UNC13B: variants seen among roughly 807,000 people sequenced by gnomAD.
The protein encoded by UNC13B is unc-13 homolog B.
UNC13B carries 144 observed loss-of-function variants against 211.0 expected under a neutral mutation model. The ratio of observed to expected loss-of-function variants is 0.68; its 90% confidence interval spans 0.60 to 0.78. The LOEUF (loss-of-function observed/expected upper bound fraction) is 0.78. Ranked by LOEUF, UNC13B falls within the 30% of genes least tolerant of loss-of-function variation. The probability of loss-of-function intolerance (pLI) is 0.00; values close to 1 mark genes in which losing one functional copy is unlikely to be tolerated. For missense variants in UNC13B, 1,777 were observed against 2,002.0 expected, an observed-to-expected ratio of 0.89 and a Z score of 2.14; for synonymous variants, 709 against 725.8, an observed-to-expected ratio of 0.98 and a Z score of 0.37.
At chr9:35,385,660 C>T (rs1315499493) in intron 22 of UNC13B, 64 bp from the exon 23 acceptor site, 4 of 1,520,412 alleles carry the variant, frequency 2.6e-6, no homozygotes, top group African/African-American at 1.4e-5. Context: ...GATATCATCA[C>T]TTTTGGCAGG....
intron 1 of UNC13B, among the ~76,000 whole-genome samples, chr9:35,186,467 C>T (rs184394628): frequency 1.3e-3 from 204 of 152,236 alleles, no homozygotes; most frequent in Middle Eastern, 3.4e-3. Context: ...GTGTTGTCTG[C>T]GGTAAATACC....
chr9:35,263,342 TAA>T (rs11305136), intron 7 of UNC13B, among the ~76,000 whole-genome samples: 122 of 146,942 alleles, frequency 8.3e-4, no homozygotes, highest in Non-Finnish European at 7.4e-4. Context: ...TGGAACTTGG[TAA>T]AAAAAAAAAA....
intron 7 of UNC13B, among the ~76,000 whole-genome samples, chr9:35,275,119 G>A (rs1179607888): frequency 6.6e-6 from 1 of 152,094 alleles, no homozygotes; most frequent in Non-Finnish European, 1.5e-5. Context: ...GTGAAGAGCA[G>A]CTCAGAGTCT....
At position 35,310,787 on chromosome 9, in the gene UNC13B, C is replaced by T. The variant is rs982674489; in HGVS notation, c.9323+6C>T. Reference sequence around the variant, plus strand: ...TTCCTAGGTCCCCAGGAGAGGTAGGCAACAGCTGCCTTGAGGAGCTCACAT... The same window carrying T: ...TTCCTAGGTCCCCAGGAGAGGTAGGTAACAGCTGCCTTGAGGAGCTCACAT... On this transcript the variant is annotated splice_donor_region_variant and intron_variant, in intron 10 of 39. Transcript: ENST00000635942. 1 of 1,611,270 alleles carries T rather than the reference C, an allele frequency of 6.2e-7. No individual in the cohort carries two copies. The highest frequency in any genetic ancestry group is 1.3e-5 in the African/African-American group (1 of 74,748).
chr9:35,250,646 A>G (rs1053224274), intron 6 of UNC13B, among the ~76,000 whole-genome samples: 2 of 152,258 alleles, frequency 1.3e-5, no homozygotes, highest in Middle Eastern at 3.4e-3. Context: ...TGTTGTGTGG[A>G]CATATGTTTT....
At chr9:35,353,520 C>T (rs1832848240) in intron 11 of UNC13B, 8 of 1,231,940 alleles carry the variant, frequency 6.5e-6, no homozygotes, top group Non-Finnish European at 8.1e-6. Flanking sequence ...GGCGTCTCCA[C>T]ACAGGGAGAG....
At chr9:35,226,812 G>C (rs1413055095) in intron 1 of UNC13B, among the ~76,000 whole-genome samples, 1 of 152,180 alleles carries the variant, frequency 6.6e-6, no homozygotes, top group African/African-American at 2.4e-5. Context: ...TCCACTGACT[G>C]AAACATTAAT....
intron 7 of UNC13B, among the ~76,000 whole-genome samples, chr9:35,292,583 T>C (rs1829153614): frequency 6.6e-6 from 1 of 152,248 alleles, no homozygotes; most frequent in African/African-American, 2.4e-5. Flanking sequence ...TTACTTTTAA[T>C]TCATAGCACT....
chr9:35,223,500 A>G (rs1298620924), intron 1 of UNC13B, among the ~76,000 whole-genome samples: 2 of 151,288 alleles, frequency 1.3e-5, no homozygotes, highest in Non-Finnish European at 2.9e-5. Context: ...AGAAATGTCT[A>G]TTCAGATCCT....
chr9:35,235,758 C>A (rs1825464284), intron 3 of UNC13B, among the ~76,000 whole-genome samples: 1 of 152,160 alleles, frequency 6.6e-6, no homozygotes, highest in Non-Finnish European at 1.5e-5. Flanking sequence ...AGTAGACTTA[C>A]CTTTCCTAAA....
At chr9:35,383,097 A>G (rs1009447370) in intron 21 of UNC13B, among the ~76,000 whole-genome samples, 22 of 152,212 alleles carry the variant, frequency 1.4e-4, no homozygotes, top group South Asian at 2.1e-4. Flanking sequence ...ATAGTCTTCC[A>G]TATTCTTCAG....
chr9:35,385,115 A>G (rs1179436050), intron 22 of UNC13B: 1 of 985,482 alleles, frequency 1.0e-6, no homozygotes, highest in Non-Finnish European at 1.2e-6. Context: ...AGACAGGCTC[A>G]GCATCTCCCT....
chr9:35,377,858 C>T (rs1043205896), intron 16 of UNC13B, among the ~76,000 whole-genome samples, 163 bp downstream of exon 16: 5 of 152,274 alleles, frequency 3.3e-5, no homozygotes, highest in South Asian at 2.1e-4. Flanking sequence ...TTACCTAGAC[C>T]CTGGTGCCGG....
rs142517517 is a variant in UNC13B at position 35,265,832 on chromosome 9, C to A, written c.526+6782C>A. 5.3e-5 allele frequency among the ~76,000 whole-genome samples: 8 copies of A among 152,020 alleles called. No individual in the cohort carries two copies. The East Asian group carries it at 1.5e-3, about 29-fold the overall frequency. On this transcript the variant is annotated intron_variant, in intron 7 of 39. Transcript: ENST00000635942. Reference sequence around the variant, plus strand: ...ATTGAGTTCTTGTTCATTCTTTTTCCTTTTTTTGCGATGGAGTCTCTCTCA... The same window carrying A: ...ATTGAGTTCTTGTTCATTCTTTTTCATTTTTTTGCGATGGAGTCTCTCTCA...
chr9:35,300,017 A>T lies in UNC13B; in HGVS notation c.762-149A>T, dbSNP rs143975058. ...TAACATAAACTTGAAGGAAGCAGAG[A>T]TAAAAGAAATTAGAACCCTTTCAAA... On this transcript the variant is annotated intron_variant, in intron 8 of 39. Transcript: ENST00000635942. 98 of 395,358 alleles carry T rather than the reference A, an allele frequency of 2.5e-4. No homozygotes were observed. The East Asian group carries it at 3.3e-3, about 13-fold the overall frequency. The allele number at this position is 395,358 out of a possible 1,614,324, so 24.5% of individuals were successfully genotyped here. A position where few individuals can be genotyped will look rare whatever the true frequency, so the allele number is the denominator to read the frequency against.
Position 35,380,552 on chromosome 9 carries a change from C to G in UNC13B, c.10288C>G (p.Leu3430Val). The G allele has an allele frequency of 6.2e-7, 1 of 1,614,208 alleles. No individual in the cohort carries two copies. Among genetic ancestry groups the G allele is most frequent in the East Asian group, 2.2e-5 (1 of 44,884 alleles). Reference sequence around the variant, plus strand: ...CATCAAGTCAAGAGTAAAGCAACGCCTAAAGCGAGAGTCTGATGATTTCCT... The same window carrying G: ...CATCAAGTCAAGAGTAAAGCAACGCGTAAAGCGAGAGTCTGATGATTTCCT... Reference protein sequence around the residue: ...DDIKSRVKQRLKRESDDFLGQ... With the variant: ...DDIKSRVKQRVKRESDDFLGQ... The change falls in exon 18 of 40, where the codon CTA becomes GTA. Residue 3430 changes from leucine to valine, a missense_variant. Transcript: ENST00000635942.
At chr9:35,343,361 T>C (rs544737742) in intron 11 of UNC13B, among the ~76,000 whole-genome samples, 2 of 152,356 alleles carry the variant, frequency 1.3e-5, no homozygotes, top group African/African-American at 4.8e-5. Flanking sequence ...TCCAGTTTTA[T>C]TGAAATTATG....
In UNC13B at chr9:35,304,842, A is replaced by G. The variant is rs1249632231; in HGVS notation, c.5438A>G (p.Glu1813Gly). The change falls in exon 9 of 40, where the codon GAA becomes GGA. Residue 1813 changes from glutamate to glycine, a missense_variant. Transcript: ENST00000635942. Reference protein sequence around the residue: ...KQLEGNSPNVEKSLLKDSERQ... With the variant: ...KQLEGNSPNVGKSLLKDSERQ... ...TTAGAGGGTAACTCCCCAAATGTGG[A>G]AAAAAGTCTTCTTAAGGATTCAGAA... 5.0e-6 allele frequency: 2 copies of G among 398,858 alleles called. No homozygotes were observed. The highest frequency in any genetic ancestry group is 8.8e-6 in the Non-Finnish European group (2 of 226,004). The allele number at this position is 398,858 out of a possible 1,614,324, so 24.7% of individuals were successfully genotyped here. A position where few individuals can be genotyped will look rare whatever the true frequency, so the allele number is the denominator to read the frequency against.
rs1834039121 is a variant in UNC13B, at chr9:35,370,374, C to A, written c.9518C>A (p.Pro3173Gln). 6.2e-7 allele frequency: 1 copy of A among 1,613,944 alleles called. No homozygotes were observed. Among genetic ancestry groups the A allele is most frequent in the Non-Finnish European group, 8.5e-7 (1 of 1,180,002 alleles). Residue 3173 changes from proline to glutamine, a missense_variant, in exon 13 of 40, where the codon CCA becomes CAA. By Grantham distance (76) the Pro-to-Gln change is moderately conservative. Transcript: ENST00000635942. Reference sequence around the variant, plus strand: ...ATGCCAGATTTACGCAGAAAGAAGCCACTGCCACTTGTCAGTGATCTGGTG... The same window carrying A: ...ATGCCAGATTTACGCAGAAAGAAGCAACTGCCACTTGTCAGTGATCTGGTG... Reference protein sequence around the residue: ...DSMPDLRRKKPLPLVSDLSLV... With the variant: ...DSMPDLRRKKQLPLVSDLSLV...
Sources: gnomAD v4.1 joint callset for allele counts (sites outside exome capture counted in the v4.1 genomes callset) on GRCh38, gnomAD v4.1.1 for gene constraint, MANE v1.5 for transcripts, NCBI Gene and HGNC (gene_info 2026-07-23, HGNC 2026-07-21) for gene names.